The following DNAJC6 variants were observed in gnomAD, a reference collection of about 807,000 sequenced individuals.
The protein encoded by DNAJC6 is DnaJ heat shock protein family (Hsp40) member C6, also known as auxilin.
A neutral mutation model predicts 110.0 loss-of-function variants in DNAJC6; 34 were observed. The observed-to-expected ratio is 0.31, with a 90% CI of 0.24 to 0.41. The LOEUF (loss-of-function observed/expected upper bound fraction) is 0.41, where lower values mean the gene tolerates loss of function less well. Ranked by LOEUF, DNAJC6 falls within the 10% of genes least tolerant of loss-of-function variation. The pLI is 1.00. For missense variants in DNAJC6, 1,031 were observed against 1,207.8 expected (o/e 0.85, Z 2.17); for synonymous variants, 406 against 437.2 (o/e 0.93, Z 0.89).
chr1:65,364,795 T>C lies in DNAJC6; in HGVS notation c.344+10T>C, dbSNP rs199531611. 5 of 1,611,530 alleles carry C rather than the reference T, an allele frequency of 3.1e-6. No homozygotes were observed. The highest frequency in any genetic ancestry group is 4.2e-6 in the Non-Finnish European group (5 of 1,178,502). ...TACAATCTGTGACCAGGTACGCACATTCTTCCCAGTTAATTTAGTGGATCC... is the reference window on the plus strand; with the variant it reads ...TACAATCTGTGACCAGGTACGCACACTCTTCCCAGTTAATTTAGTGGATCC... On this transcript the variant is annotated intron_variant, in intron 2 of 18. Coordinates refer to ENST00000371069, the MANE Select transcript of DNAJC6 (RefSeq NM_001256864.2).
At chr1:65,275,745 T>C (rs1653647290) in intron 1 of DNAJC6, among the ~76,000 whole-genome samples, 1 of 152,140 alleles carries the variant, frequency 6.6e-6, no homozygotes, top group Admixed American at 6.5e-5. Flanking sequence ...TTCTGTATAC[T>C]TAGCCCTTTT....
intron 1 of DNAJC6, among the ~76,000 whole-genome samples, chr1:65,344,890 A>T (rs1475103410): frequency 6.6e-6 from 1 of 152,152 alleles, no homozygotes; most frequent in Non-Finnish European, 1.5e-5. Context: ...ACTGTTTCCC[A>T]GATGCCTGAT....
upstream of DNAJC6, among the ~76,000 whole-genome samples, chr1:65,307,016 C>CTATA (rs1436882652): frequency 1.3e-3 from 96 of 73,684 alleles, no homozygotes; most frequent in East Asian, 2.4e-3. Flanking sequence ...CTCTCTCTCT[C>CTATA]TCTATATATA....
intron 1 of DNAJC6, among the ~76,000 whole-genome samples, chr1:65,350,782 C>A (rs1465166213): frequency 6.6e-6 from 1 of 152,138 alleles, no homozygotes; most frequent in African/African-American, 2.4e-5. Flanking sequence ...ACTGAATATC[C>A]AGCTAAATGC....
intron 1 of DNAJC6, among the ~76,000 whole-genome samples, chr1:65,313,269 C>T (rs1317140713): frequency 2.0e-5 from 3 of 151,216 alleles, no homozygotes; most frequent in African/African-American, 4.9e-5. Flanking sequence ...CCATGTTGCC[C>T]AGGCTGGTCT....
At chr1:65,408,298 C>T (rs538973547) in intron 16 of DNAJC6, among the ~76,000 whole-genome samples, 107 of 152,254 alleles carry the variant, frequency 7.0e-4, no homozygotes, top group Non-Finnish European at 1.3e-3. Flanking sequence ...AGTACCAAAC[C>T]GAGATCCCAG....
At chr1:65,276,350 C>A (rs1304871298) in intron 1 of DNAJC6, among the ~76,000 whole-genome samples, 1 of 152,084 alleles carries the variant, frequency 6.6e-6, no homozygotes. Flanking sequence ...CTTCATATGC[C>A]TGGCAATTTT....
At chr1:65,371,445 A>T (rs1258495476) in intron 4 of DNAJC6, among the ~76,000 whole-genome samples, 1 of 152,180 alleles carries the variant, frequency 6.6e-6, no homozygotes, top group Non-Finnish European at 1.5e-5. Context: ...TCTCTTGCTT[A>T]GAGTCATCAT....
chr1:65,330,942 G>A (rs1645283368), intron 1 of DNAJC6, among the ~76,000 whole-genome samples: 1 of 152,174 alleles, frequency 6.6e-6, no homozygotes, highest in African/African-American at 2.4e-5. Context: ...ATGTGAAGGC[G>A]AGGGAAGGGC....
rs11208644 is a variant in DNAJC6 at position 65,392,468 on chromosome 1, C to A, written c.1506C>A (p.His502Gln). Residue 502 changes from histidine to glutamine, a missense_variant, in exon 12 of 19, where the codon CAC (histidine) becomes CAA (glutamine). Physicochemically the swap from His to Gln is conservative, Grantham distance 24. Coordinates refer to ENST00000371069, the MANE Select transcript of DNAJC6 (RefSeq NM_001256864.2). ...KSEKSFCEED[H>Q]AALVNQESEQ... ...AGAAGTCATTCTGTGAGGAGGACCACGCTGCCCTAGTGAATCAGGAAAGTG... is the reference window on the plus strand; with the variant it reads ...AGAAGTCATTCTGTGAGGAGGACCAAGCTGCCCTAGTGAATCAGGAAAGTG... The A allele has an allele frequency of 6.2e-7, 1 of 1,611,022 alleles. No homozygotes were observed. Among genetic ancestry groups the A allele is most frequent in the Middle Eastern group, 1.7e-4 (1 of 5,992 alleles).
chr1:65,271,675 T>C (rs950333814), intron 1 of DNAJC6, among the ~76,000 whole-genome samples: 1 of 152,070 alleles, frequency 6.6e-6, no homozygotes, highest in Admixed American at 6.6e-5. Flanking sequence ...GAGACCAGCC[T>C]GGCCAACATG....
intron 1 of DNAJC6, among the ~76,000 whole-genome samples, chr1:65,301,992 A>AGAGG (rs1644983779): frequency 6.6e-6 from 1 of 150,548 alleles, no homozygotes; most frequent in Admixed American, 6.7e-5. Context: ...AGAGAGAGAG[A>AGAGG]GAGGGAGAGA....
chr1:65,390,183 C>T (rs1223591137), intron 11 of DNAJC6, among the ~76,000 whole-genome samples: 2 of 152,180 alleles, frequency 1.3e-5, no homozygotes, highest in South Asian at 2.1e-4. Flanking sequence ...TCACGTCATT[C>T]CTGGACTGAC....
chr1:65,398,958 C>G, intron 14 of DNAJC6, 77 bp downstream of exon 14: 1 of 1,450,682 alleles, frequency 6.9e-7, no homozygotes, highest in Non-Finnish European at 9.6e-7. Flanking sequence ...AGTGAGTACT[C>G]ACAGAGTATT....
At chr1:65,268,465 A>G (rs556237414) in intron 1 of DNAJC6, among the ~76,000 whole-genome samples, 4 of 152,364 alleles carry the variant, frequency 2.6e-5, no homozygotes, top group African/African-American at 9.6e-5. Flanking sequence ...TATTTAATTA[A>G]CAACTGTTAT....
intron 1 of DNAJC6, among the ~76,000 whole-genome samples, chr1:65,340,943 C>G (rs1467892880): frequency 6.6e-6 from 1 of 152,126 alleles, no homozygotes; most frequent in Non-Finnish European, 1.5e-5. Context: ...ACAGGCACCC[C>G]AGGCTATTCT....
At chr1:65,266,960 G>A (rs531140994) in intron 1 of DNAJC6, among the ~76,000 whole-genome samples, 7 of 151,082 alleles carry the variant, frequency 4.6e-5, no homozygotes, top group South Asian at 2.1e-4. Context: ...GCAATGGTGC[G>A]ATCTCGGCCC....
intron 1 of DNAJC6, among the ~76,000 whole-genome samples, chr1:65,268,474 A>G (rs1476158142): frequency 6.6e-6 from 1 of 152,252 alleles, no homozygotes; most frequent in Non-Finnish European, 1.5e-5. Context: ...AACAACTGTT[A>G]TGTGAAAAGC....
intron 1 of DNAJC6, among the ~76,000 whole-genome samples, chr1:65,348,746 A>G (rs1645460390): frequency 6.6e-6 from 1 of 151,040 alleles, no homozygotes; most frequent in African/African-American, 2.4e-5. Flanking sequence ...TATCTGGCCT[A>G]TTTAGATTTA....
Sources: gnomAD v4.1 joint callset for allele counts (sites outside exome capture counted in the v4.1 genomes callset) on GRCh38, gnomAD v4.1.1 for gene constraint, MANE v1.5 for transcripts, NCBI Gene and HGNC (gene_info 2026-07-23, HGNC 2026-07-21) for gene names.